ZBBX: variants seen among roughly 807,000 people sequenced by gnomAD.
ZBBX encodes the protein zinc finger B-box domain-containing protein 1.
In ZBBX, 101 loss-of-function variants were observed where a neutral mutation model predicts 108.5. The ratio of observed to expected loss-of-function variants is 0.93; its 90% CI spans 0.79 to 1.10. The LOEUF (loss-of-function observed/expected upper bound fraction) is 1.10. ZBBX is among the 50% of genes least tolerant of loss of function. ZBBX has a pLI of 0.00. For missense variants in ZBBX, 1,009 were observed against 941.4 expected, an observed-to-expected ratio of 1.07 and a Z score of -0.94; for synonymous variants, 356 against 323.4, an observed-to-expected ratio of 1.10 and a Z score of -1.08.
chr3:167,390,767 T>G (rs1748062069), intron 1 of ZBBX, among the ~76,000 whole-genome samples: 1 of 152,082 alleles, frequency 6.6e-6, no homozygotes, highest in Non-Finnish European at 1.5e-5. Context: ...GAATGGGAGT[T>G]CACTCATGAT....
chr3:167,269,627 G>A (rs912242510), intron 20 of ZBBX, among the ~76,000 whole-genome samples: 7 of 152,148 alleles, frequency 4.6e-5, no homozygotes, highest in African/African-American at 1.4e-4. Context: ...GACAGATAGG[G>A]TTAAAGCCCA....
At chr3:167,298,240 C>T in intron 18 of ZBBX, 65 bp downstream of exon 18, 1 of 1,277,228 alleles carries the variant, frequency 7.8e-7, no homozygotes, top group Non-Finnish European at 1.1e-6. Context: ...ATCCATTGAA[C>T]AGAATTGCTC....
intron 8 of ZBBX, among the ~76,000 whole-genome samples, chr3:167,359,166 G>A (rs917146440): frequency 6.6e-6 from 1 of 152,040 alleles, no homozygotes. Context: ...TAACATGGAT[G>A]AATCATGTGG....
intron 20 of ZBBX, among the ~76,000 whole-genome samples, chr3:167,251,959 C>CAT (rs1722706321): frequency 6.6e-6 from 1 of 151,320 alleles, no homozygotes; most frequent in African/African-American, 2.4e-5. Flanking sequence ...CACACACACA[C>CAT]ATCTGTCCAT....
chr3:167,291,213 A>G (rs1367404317), intron 18 of ZBBX, among the ~76,000 whole-genome samples: 1 of 152,102 alleles, frequency 6.6e-6, no homozygotes, highest in Non-Finnish European at 1.5e-5. Flanking sequence ...AGAACACCAA[A>G]AAGATATTCC....
intron 19 of ZBBX, among the ~76,000 whole-genome samples, chr3:167,283,092 T>C (rs1212806444): frequency 6.6e-6 from 1 of 152,210 alleles, no homozygotes; most frequent in African/African-American, 2.4e-5. Context: ...CTCACTCTCT[T>C]CTGGAAAAGT....
At chr3:167,383,055 C>A (rs550493421), upstream of ZBBX, among the ~76,000 whole-genome samples, 31 of 152,190 alleles carry the variant, frequency 2.0e-4, no homozygotes, top group African/African-American at 6.7e-4. Context: ...AACTGTATCA[C>A]ATGTATATTC....
the ZBBX span, among the ~76,000 whole-genome samples, chr3:167,181,561 C>A: frequency 1.3e-5 from 2 of 152,178 alleles, no homozygotes; most frequent in Non-Finnish European, 1.5e-5. Flanking sequence ...AGTTGTTTCA[C>A]AGGCAGGATG....
intron 20 of ZBBX, among the ~76,000 whole-genome samples, chr3:167,264,433 T>G (rs1337191068): frequency 6.6e-6 from 1 of 152,348 alleles, no homozygotes; most frequent in South Asian, 2.1e-4. Flanking sequence ...ACCCATCATT[T>G]TAAACTGATG....
chr3:167,280,068 C>A (rs575101611), intron 20 of ZBBX, among the ~76,000 whole-genome samples: 130 of 152,048 alleles, frequency 8.5e-4, no homozygotes, highest in African/African-American at 3.0e-3. Flanking sequence ...AAACTGGATC[C>A]CTTCCTTACA....
chr3:167,282,408 GGAT>G lies in ZBBX; in HGVS notation c.2081_2083del (p.His694del), dbSNP rs775715238. ...TTGAGCAGCTGCACTTCTTGATCGA[GGAT>G]GAGAGGATGAAAGGCAACTGGAGCT... On this transcript the variant is annotated inframe_deletion, in exon 20 of 22. Transcript: ENST00000675490. 6.8e-6 allele frequency: 11 copies of G among 1,613,940 alleles called. No individual in the cohort carries two copies. In the South Asian group the frequency reaches 9.9e-5, roughly 14 times the overall value.
intron 5 of ZBBX, among the ~76,000 whole-genome samples, chr3:167,367,372 G>A (rs1054348745): frequency 2.0e-5 from 3 of 151,700 alleles, no homozygotes; most frequent in Non-Finnish European, 3.0e-5. Flanking sequence ...GCATGTTCAT[G>A]GCAGCATTTA....
chr3:167,288,192 C>T (rs915230008), intron 19 of ZBBX, among the ~76,000 whole-genome samples: 12 of 152,122 alleles, frequency 7.9e-5, no homozygotes, highest in Non-Finnish European at 1.5e-5. Context: ...AGCAAACCCA[C>T]TATAGCTGGT....
At chr3:167,355,572 TTA>T (rs201486548) in intron 8 of ZBBX, among the ~76,000 whole-genome samples, 2 of 151,372 alleles carry the variant, frequency 1.3e-5, no homozygotes, top group African/African-American at 2.4e-5. Context: ...TATATATCCT[TTA>T]TATATATATT....
At chr3:167,206,699 A>G in the ZBBX span, among the ~76,000 whole-genome samples, 317 of 152,098 alleles carry the variant, frequency 2.1e-3, 6 homozygotes, top group Non-Finnish European at 2.4e-3. Context: ...CAGTCCAGAG[A>G]AAAAAAAGTT....
At chr3:167,208,154 T>C in the ZBBX span, among the ~76,000 whole-genome samples, 1 of 152,138 alleles carries the variant, frequency 6.6e-6, no homozygotes, top group African/African-American at 2.4e-5. Flanking sequence ...ATCCCAGTGG[T>C]TGAAACTTAA....
chr3:167,386,059 C>CT (rs1401544088), intron 1 of ZBBX, among the ~76,000 whole-genome samples: 1 of 151,868 alleles, frequency 6.6e-6, no homozygotes, highest in Non-Finnish European at 1.5e-5. Context: ...AGATACTCTC[C>CT]TGTGAGAATA....
At chr3:167,275,846 A>G (rs1273409946) in intron 20 of ZBBX, among the ~76,000 whole-genome samples, 1 of 152,190 alleles carries the variant, frequency 6.6e-6, no homozygotes, top group Non-Finnish European at 1.5e-5. Context: ...AAACAAAAAG[A>G]CAGCAGTAAC....
chr3:167,288,307 C>G (rs934135335), intron 19 of ZBBX, among the ~76,000 whole-genome samples: 4 of 151,994 alleles, frequency 2.6e-5, no homozygotes, highest in African/African-American at 9.7e-5. Flanking sequence ...TTCAGTATGT[C>G]AAAAGAATTA....
Sources: allele counts gnomAD v4.1 joint callset (sites outside exome capture counted in the v4.1 genomes callset), GRCh38; gene constraint gnomAD v4.1.1; transcripts MANE v1.5; gene names NCBI Gene and HGNC (gene_info 2026-07-23, HGNC 2026-07-21).